The following SCN7A variants were observed in gnomAD, a reference collection of about 807,000 sequenced individuals.
The protein encoded by SCN7A is sodium voltage-gated channel alpha subunit 7, also known as sodium channel protein type 7 subunit alpha.
In SCN7A, 138 loss-of-function variants were observed where a neutral mutation model predicts 155.2. That is an observed-to-expected ratio of 0.89 (90% CI 0.77 to 1.02). SCN7A has a LOEUF of 1.02. Among genes scored for constraint, SCN7A ranks in the 50% least tolerant of loss-of-function variants. SCN7A has a pLI of 0.00. For synonymous variants in SCN7A, 693 were observed against 649.0 expected, an observed-to-expected ratio of 1.07 and a Z score of -1.03; for missense variants, 2,058 against 1,986.6, an observed-to-expected ratio of 1.04 and a Z score of -0.68.
At chr2:166,466,024 T>C (rs774824636) in intron 7 of SCN7A, 37 bp from the exon 8 acceptor site, 3 of 1,496,910 alleles carry the variant, frequency 2.0e-6, no homozygotes, top group Non-Finnish European at 2.7e-6. Context: ...AATAATGTAA[T>C]ATCTTAGAAA....
At position 166,421,748 on chromosome 2, in the gene SCN7A, TTCAGAGGATAGGCATC is replaced by T. The variant is rs527351026; in HGVS notation, c.3028-467_3028-452del. Among the ~76,000 whole-genome samples the T allele has an allele frequency of 7.3e-4, 111 of 152,136 alleles. 2 individuals are homozygous for T. The South Asian group carries it at 0.023, about 31-fold the overall frequency. On this transcript the variant is annotated intron_variant, in intron 19 of 25. Coordinates refer to ENST00000643258, the MANE Select transcript of SCN7A (RefSeq NM_002976.4). ...GTTAAGACAATATACATGATAGGCTTTCAGAGGATAGGCATCAAGGAAGATATGAATATTGTTAAGT... is the reference window on the plus strand; with the variant it reads ...GTTAAGACAATATACATGATAGGCTTAAGGAAGATATGAATATTGTTAAGT...
chr2:166,410,276 G>C lies in SCN7A; in HGVS notation c.3655C>G (p.Arg1219Gly), dbSNP rs780347946. Residue 1219 changes from arginine to glycine, a missense_variant, in exon 24 of 26, where the codon CGC (arginine) becomes GGC (glycine). Arg to Gly is a moderately radical substitution (Grantham distance 125). Coordinates refer to ENST00000643258, the MANE Select transcript of SCN7A (RefSeq NM_002976.4). The stretch of plus-strand genomic sequence containing the variant: ...TCATACATTAGCTTCTTCAGCCTGC[G>C]GTACTGTTTTCTCTGTTTAACCGTT... ...FITVKQRKQY[R>G]RLKKLMYEDS... 1 of 1,555,976 alleles carries C rather than the reference G, an allele frequency of 6.4e-7. No individual in the cohort carries two copies. Among genetic ancestry groups the C allele is most frequent in the Non-Finnish European group, 8.7e-7 (1 of 1,148,452 alleles).
chr2:166,412,245 G>A (rs1488126250), intron 23 of SCN7A, among the ~76,000 whole-genome samples: 1 of 151,956 alleles, frequency 6.6e-6, no homozygotes, highest in Admixed American at 6.6e-5. Context: ...TTTACTTACA[G>A]TATTTATTTT....
rs1480450470 is a variant in SCN7A at position 166,405,379 on chromosome 2, C to G, written c.*201G>C. 1.9e-6 allele frequency: 1 copy of G among 514,784 alleles called. No individual in the cohort carries two copies. Among genetic ancestry groups the G allele is most frequent in the Non-Finnish European group, 3.4e-6 (1 of 296,788 alleles). The allele number at this position is 514,784 out of a possible 1,614,324, so 31.9% of individuals were successfully genotyped here. The stretch of plus-strand genomic sequence containing the variant: ...GCCACTTTAACCCACTTTAAACTCA[C>G]TGCAGCAATATTAAGGATTCTCTTG... On this transcript the variant is annotated 3_prime_UTR_variant, in exon 26 of 26. Transcript: ENST00000643258.
At chr2:166,446,878 TA>T (rs1346303622) in intron 12 of SCN7A, among the ~76,000 whole-genome samples, 1 of 151,748 alleles carries the variant, frequency 6.6e-6, no homozygotes, top group East Asian at 1.9e-4. Flanking sequence ...TGTCGGTGGG[TA>T]GGGGGCAAAG....
chr2:166,481,476 G>A (rs1158238329), intron 2 of SCN7A, among the ~76,000 whole-genome samples: 2 of 152,038 alleles, frequency 1.3e-5, no homozygotes, highest in East Asian at 1.9e-4. Context: ...AATACCCATC[G>A]GCACAAGTAC....
intron 16 of SCN7A, among the ~76,000 whole-genome samples, chr2:166,431,751 G>T (rs1235932878): frequency 6.6e-6 from 1 of 151,972 alleles, no homozygotes; most frequent in Non-Finnish European, 1.5e-5. Context: ...TTCAAACTGG[G>T]AGGTTTTAAA....
At chr2:166,416,495 A>T (rs2105379937) in intron 21 of SCN7A, among the ~76,000 whole-genome samples, 1 of 152,288 alleles carries the variant, frequency 6.6e-6, no homozygotes, top group South Asian at 2.1e-4. Context: ...TTTATTTCTC[A>T]GCTGGCCAAC....
rs1366731721 is a variant in SCN7A at position 166,405,185 on chromosome 2, T to C, written c.*395A>G. On this transcript the variant is annotated 3_prime_UTR_variant, in exon 26 of 26. Transcript: ENST00000643258. ...CACCATCCCACATCAGGAAAGTATTTGCTTATTTGTAAGTCTTAATAGTGG... is the reference window on the plus strand; with the variant it reads ...CACCATCCCACATCAGGAAAGTATTCGCTTATTTGTAAGTCTTAATAGTGG... The C allele has an allele frequency of 6.3e-6, 1 of 159,404 alleles. No homozygotes were observed. The highest frequency in any genetic ancestry group is 1.4e-5 in the Non-Finnish European group (1 of 73,422). 9.9% of individuals were successfully genotyped at this position (159,404 alleles called of 1,614,324 possible).
intron 18 of SCN7A, among the ~76,000 whole-genome samples, chr2:166,424,933 G>C (rs1236376395): frequency 2.6e-5 from 4 of 151,930 alleles, no homozygotes; most frequent in Non-Finnish European, 4.4e-5. Context: ...CAGCAACCGA[G>C]TGTTGCTTGA....
chr2:166,406,337 G>A lies in SCN7A; in HGVS notation c.4292C>T (p.Ala1431Val), dbSNP rs756476606. 2.5e-6 allele frequency: 4 copies of A among 1,613,118 alleles called. No individual in the cohort carries two copies. The highest frequency in any genetic ancestry group is 1.1e-5 in the South Asian group (1 of 91,074). The change falls in exon 26 of 26, where the codon GCA becomes GTA. Residue 1431 changes from alanine to valine, a missense_variant. By Grantham distance (64) the Ala-to-Val change is moderately conservative. Transcript: ENST00000643258. ...GNSMLCLFQV[A>V]IFAGWDGMLD... Reference sequence around the variant, plus strand: ...CATCCCATCCCAACCAGCAAATATTGCAACTTGAAAAAGACAGAGCATACT... The same window carrying A: ...CATCCCATCCCAACCAGCAAATATTACAACTTGAAAAAGACAGAGCATACT...
At chr2:166,418,710 T>C (rs1254668330) in intron 20 of SCN7A, among the ~76,000 whole-genome samples, 1 of 152,162 alleles carries the variant, frequency 6.6e-6, no homozygotes, top group Non-Finnish European at 1.5e-5. Flanking sequence ...GGTCCATTAA[T>C]TGTTCTGCTG....
chr2:166,462,311 T>C (rs1292098668), intron 10 of SCN7A, 78 bp downstream of exon 10: 8 of 1,411,776 alleles, frequency 5.7e-6, no homozygotes, highest in Non-Finnish European at 7.6e-6. Flanking sequence ...TAAAAAACTA[T>C]ATTACATTTG....
At chr2:166,435,452 A>G (rs1701820036) in intron 15 of SCN7A, among the ~76,000 whole-genome samples, 1 of 152,124 alleles carries the variant, frequency 6.6e-6, no homozygotes, top group Admixed American at 6.6e-5. Flanking sequence ...TGTGTATAAA[A>G]CAAAACTTTT....
At chr2:166,474,086 A>C (rs1702723564) in intron 4 of SCN7A, 140 bp downstream of exon 4, 2 of 515,266 alleles carry the variant, frequency 3.9e-6, no homozygotes, top group East Asian at 6.6e-5. Context: ...CACTTAATGA[A>C]GTATAATCTA....
intron 19 of SCN7A, among the ~76,000 whole-genome samples, chr2:166,422,218 T>C (rs1701526070): frequency 1.3e-5 from 2 of 152,112 alleles, no homozygotes; most frequent in Non-Finnish European, 2.9e-5. Flanking sequence ...AGCCATTCAT[T>C]CATTCAACAA....
rs149553242 is a variant in SCN7A at position 166,478,894 on chromosome 2, T to A, written c.-14-1184A>T. ...TGCATCAATTCCCCATTCATGAACC[T>A]GGTTCTTTTTTCACACATACAAATA... On this transcript the variant is annotated intron_variant, in intron 2 of 25. Coordinates refer to ENST00000643258, the MANE Select transcript of SCN7A (RefSeq NM_002976.4). 6.0e-3 allele frequency among the ~76,000 whole-genome samples: 912 copies of A among 152,144 alleles called. 9 individuals are homozygous for A. Among genetic ancestry groups the A allele is most frequent in the African/African-American group, 0.02 (849 of 41,572 alleles).
intron 11 of SCN7A, among the ~76,000 whole-genome samples, chr2:166,449,191 C>G (rs745989665): frequency 4.0e-4 from 56 of 141,376 alleles, no homozygotes; most frequent in Non-Finnish European, 1.1e-4. Flanking sequence ...AGATGTAAAA[C>G]AGTATTTGAA....
intron 15 of SCN7A, among the ~76,000 whole-genome samples, chr2:166,439,055 G>GTGTGTGTGTA (rs375208870): frequency 8.4e-4 from 95 of 113,410 alleles, no homozygotes; most frequent in Middle Eastern, 4.8e-3. Flanking sequence ...GTGTGTGTGT[G>GTGTGTGTGTA]TATATATATA....
Sources: gnomAD v4.1 joint callset for allele counts (sites outside exome capture counted in the v4.1 genomes callset) on GRCh38, gnomAD v4.1.1 for gene constraint, MANE v1.5 for transcripts, NCBI Gene and HGNC (gene_info 2026-07-23, HGNC 2026-07-21) for gene names.